The following ATP11A variants were observed in gnomAD, a reference collection of about 807,000 sequenced individuals.
The protein encoded by ATP11A is phospholipid-transporting ATPase IH.
A neutral mutation model predicts 154.4 loss-of-function variants in ATP11A; 81 were observed. That is an observed-to-expected ratio of 0.52 (90% confidence interval 0.44 to 0.63). The LOEUF (loss-of-function observed/expected upper bound fraction) is 0.63, where lower values mean the gene tolerates loss of function less well. ATP11A is among the 30% of genes least tolerant of loss of function. The pLI, the probability that ATP11A is intolerant of heterozygous loss-of-function variation, is 0.00. For synonymous variants in ATP11A, 623 were observed against 585.9 expected (o/e 1.06, Z -0.91); for missense variants, 1,316 against 1,474.3 (o/e 0.89, Z 1.76).
At chr13:112,815,108 A>T (rs1261872201) in intron 5 of ATP11A, among the ~76,000 whole-genome samples, 1 of 152,138 alleles carries the variant, frequency 6.6e-6, no homozygotes, top group African/African-American at 2.4e-5. Context: ...GCAGTGACTC[A>T]CTCAAGGGTT....
In ATP11A at chr13:112,833,587, C is replaced by A. The variant is rs375705873; in HGVS notation, c.1559+564C>A. ...TCTGTATTACTGAACCTCCCCTCCC[C>A]AAAAGTGCCTTCAGGGACTGAGTAT... On this transcript the variant is annotated intron_variant, in intron 14 of 29. Transcript: ENST00000375645. Among the ~76,000 whole-genome samples, 8 of 152,328 alleles carry A rather than the reference C, an allele frequency of 5.3e-5. No individual in the cohort carries two copies. In the East Asian group the frequency reaches 5.8e-4, roughly 11 times the overall value.
chr13:112,797,284 CAAAAAA>C (rs34154413), intron 2 of ATP11A, among the ~76,000 whole-genome samples: 1 of 36,284 alleles, frequency 2.8e-5, no homozygotes, highest in Non-Finnish European at 4.8e-5. Flanking sequence ...AACTCCATCT[CAAAAAA>C]AAAAAAAAAA....
At chr13:112,848,875 A>G (rs2079682230) in intron 17 of ATP11A, among the ~76,000 whole-genome samples, 1 of 152,164 alleles carries the variant, frequency 6.6e-6, no homozygotes. Context: ...TTTAGTAGAG[A>G]TGGGGTTTCA....
intron 12 of ATP11A, among the ~76,000 whole-genome samples, chr13:112,827,877 C>T (rs977647746): frequency 6.6e-6 from 1 of 152,214 alleles, no homozygotes. Context: ...ATGTGTTCCT[C>T]CAGCATGTCC....
In ATP11A at chr13:112,696,587, G is replaced by A. The variant is rs1460867646; in HGVS notation, c.39+6132G>A. On this transcript the variant is annotated intron_variant, in intron 1 of 29. Transcript: ENST00000375645. The surrounding 1 kb of genome is among the most constrained non-coding windows in gnomAD (Gnocchi z 6.2). ...GACCCCATATTTCCCAGCGGTCACC[G>A]TGCTCATTTTTGGCTTCCAGCTACC... Among the ~76,000 whole-genome samples, 1 of 152,078 alleles carries A rather than the reference G, an allele frequency of 6.6e-6. No homozygotes were observed. Among genetic ancestry groups the A allele is most frequent in the African/African-American group, 2.4e-5 (1 of 41,404 alleles).
At chr13:112,720,929 T>C (rs1174423814) in intron 1 of ATP11A, among the ~76,000 whole-genome samples, 2 of 152,108 alleles carry the variant, frequency 1.3e-5, no homozygotes, top group Non-Finnish European at 2.9e-5. Flanking sequence ...GAATTCAGTT[T>C]TGAAGTTGCC....
rs1265157269 is a variant in ATP11A at position 112,746,752 on chromosome 13, G to A, written c.40-38383G>A. ...AAAAAAAGACAACTTTTTTTGGAGAGGGAGGGTCTCATTAGGTTGCTCAGG... is the reference window on the plus strand; with the variant it reads ...AAAAAAAGACAACTTTTTTTGGAGAAGGAGGGTCTCATTAGGTTGCTCAGG... On this transcript the variant is annotated intron_variant, in intron 1 of 29. Transcript: ENST00000375645. The surrounding 1 kb of genome is among the most constrained non-coding windows in gnomAD (Gnocchi z 4.1). 1 of 151,366 alleles carries A rather than the reference G, an allele frequency of 6.6e-6. No individual in the cohort carries two copies. The highest frequency in any genetic ancestry group is 1.5e-5 in the Non-Finnish European group (1 of 67,884). The allele number at this position is 151,366 out of a possible 1,614,324, so 9.4% of individuals were successfully genotyped here.
At chr13:112,850,957 A>T (rs117359758) in intron 17 of ATP11A, 80 bp from the exon 18 acceptor site, 26,293 of 1,344,580 alleles carry the variant, frequency 0.02, 343 homozygotes, top group Middle Eastern at 0.025. Context: ...GAGAGAAGGG[A>T]TACTGGGAAG....
At chr13:112,711,083 G>A (rs1887689509) in intron 1 of ATP11A, among the ~76,000 whole-genome samples, 1 of 151,582 alleles carries the variant, frequency 6.6e-6, no homozygotes, top group African/African-American at 2.4e-5. Flanking sequence ...TTCGTATTTG[G>A]GGGAAGGAGG....
At position 112,874,293 on chromosome 13, in the gene ATP11A, T is replaced by C. The variant is rs536294292; in HGVS notation, c.3161+617T>C. On this transcript the variant is annotated intron_variant, in intron 27 of 29. Transcript: ENST00000375645. ...CAGCGGAGAGGGGCCCGGACCAGGCTGCAGAGCAGGCATGGTGGCCTCCTG... is the reference window on the plus strand; with the variant it reads ...CAGCGGAGAGGGGCCCGGACCAGGCCGCAGAGCAGGCATGGTGGCCTCCTG... Among the ~76,000 whole-genome samples, 515 of 152,320 alleles carry C rather than the reference T, an allele frequency of 3.4e-3. 3 individuals are homozygous for C. Among genetic ancestry groups the C allele is most frequent in the Non-Finnish European group, 5.2e-3 (357 of 68,026 alleles).
chr13:112,740,940 G>A (rs1264982073), intron 1 of ATP11A, among the ~76,000 whole-genome samples: 1 of 152,220 alleles, frequency 6.6e-6, no homozygotes, highest in Non-Finnish European at 1.5e-5. Context: ...CGTCAGAAAT[G>A]GATTTGGGAG....
chr13:112,784,048 C>T lies in ATP11A; in HGVS notation c.40-1087C>T, dbSNP rs9604442. On this transcript the variant is annotated intron_variant, in intron 1 of 29. Coordinates refer to ENST00000375645, the MANE Select transcript of ATP11A (RefSeq NM_015205.3). ...GAGCCTGGAGAGCTCTTGGCTTTGC[C>T]CAGGAAGGAATTCAAGGGCAAGCAG... 3.2e-3 allele frequency among the ~76,000 whole-genome samples: 484 copies of T among 152,210 alleles called. 2 individuals are homozygous for T. Among genetic ancestry groups the T allele is most frequent in the African/African-American group, 0.011 (464 of 41,530 alleles).
At chr13:112,716,940 A>ACCTGCG (rs1471388346) in intron 1 of ATP11A, among the ~76,000 whole-genome samples, 1 of 151,538 alleles carries the variant, frequency 6.6e-6, no homozygotes, top group African/African-American at 2.4e-5. Context: ...AGGCCCGTGC[A>ACCTGCG]CTTTCCCTGG....
rs1886033238 is a variant in ATP11A, at chr13:112,697,686, GA to G, written c.39+7232del. Among the ~76,000 whole-genome samples, 1 of 150,986 alleles carries G rather than the reference GA, an allele frequency of 6.6e-6. No homozygotes were observed. The highest frequency in any genetic ancestry group is 2.1e-4 in the South Asian group (1 of 4,788). On this transcript the variant is annotated intron_variant, in intron 1 of 29. Transcript: ENST00000375645. The surrounding 1 kb of genome is among the most constrained non-coding windows in gnomAD (Gnocchi z 4.0). Reference sequence around the variant, plus strand: ...AGGTGCAAGCAGTTCTCTTGCCTCAGACTCCTGAGTAGCTGGGATTTGTGCC... The same window carrying G: ...AGGTGCAAGCAGTTCTCTTGCCTCAGCTCCTGAGTAGCTGGGATTTGTGCC...
At chr13:112,868,503 C>T (rs978088209) in intron 25 of ATP11A, among the ~76,000 whole-genome samples, 45 of 152,260 alleles carry the variant, frequency 3.0e-4, no homozygotes, top group Admixed American at 2.5e-3. Context: ...GTGAGGCTTT[C>T]GCACTGGTCA....
rs974629919 is a variant in ATP11A at position 112,838,901 on chromosome 13, C to A, written c.1705+2650C>A. 6.6e-6 allele frequency among the ~76,000 whole-genome samples: 1 copy of A among 152,182 alleles called. No homozygotes were observed. The highest frequency in any genetic ancestry group is 2.4e-5 in the African/African-American group (1 of 41,446). On this transcript the variant is annotated intron_variant, in intron 16 of 29. Transcript: ENST00000375645. The surrounding 1 kb of genome is among the most constrained non-coding windows in gnomAD (Gnocchi z 7.3). ...GGTTCACTAATTGCACTGGAGTTCTCCCTGCTGGGCGGGGAGACCCTGCAG... is the reference window on the plus strand; with the variant it reads ...GGTTCACTAATTGCACTGGAGTTCTACCTGCTGGGCGGGGAGACCCTGCAG...
At position 112,859,082 on chromosome 13, in the gene ATP11A, A is replaced by T. The variant is rs1467126522; in HGVS notation, c.2668-311A>T. On this transcript the variant is annotated intron_variant, in intron 22 of 29. Transcript: ENST00000375645. The surrounding 1 kb of genome is among the most constrained non-coding windows in gnomAD (Gnocchi z 4.3). ...ACCTTTCAGGTGGAAATGTTTGAGG[A>T]AGGATTCCTTATTCACTGTGCAGTT... The T allele has an allele frequency of 2.9e-5, 9 of 309,164 alleles. No homozygotes were observed. Among genetic ancestry groups the T allele is most frequent in the Non-Finnish European group, 4.9e-5 (8 of 161,718 alleles). 19.2% of individuals were successfully genotyped at this position (309,164 alleles called of 1,614,324 possible).
chr13:112,881,817 A>G (rs200551675), intron 29 of ATP11A, 59 bp from the exon 30 acceptor site: 1 of 1,367,332 alleles, frequency 7.3e-7, no homozygotes, highest in Non-Finnish European at 9.8e-7. Context: ...TCTCAGCAGA[A>G]TGGGTGCGCA....
intron 1 of ATP11A, among the ~76,000 whole-genome samples, chr13:112,701,449 C>G (rs1886519825): frequency 6.6e-6 from 1 of 152,126 alleles, no homozygotes; most frequent in South Asian, 2.1e-4. Context: ...CTTTGAAATG[C>G]CAAGAATCCC....
Sources: allele counts gnomAD v4.1 joint callset (sites outside exome capture counted in the v4.1 genomes callset), GRCh38; gene constraint gnomAD v4.1.1; non-coding constraint Gnocchi (gnomAD v3.1); transcripts MANE v1.5; gene names NCBI Gene and HGNC (gene_info 2026-07-23, HGNC 2026-07-21).